RSU1: variants seen among roughly 807,000 people sequenced by gnomAD.
RSU1 encodes rsu-1.
A neutral mutation model predicts 31.1 loss-of-function variants in RSU1; 26 were observed. The observed-to-expected ratio is 0.84, with a 90% CI of 0.61 to 1.16. The LOEUF (loss-of-function observed/expected upper bound fraction) is 1.16. Among genes scored for constraint, RSU1 ranks in the 50% most tolerant of loss-of-function variants. The pLI is 0.00. For missense variants in RSU1, 320 were observed against 339.1 expected, an observed-to-expected ratio of 0.94 and a Z score of 0.44; for synonymous variants, 164 against 136.3, an observed-to-expected ratio of 1.20 and a Z score of -1.41.
chr10:16,785,485 T>C (rs1012036024), intron 2 of RSU1, among the ~76,000 whole-genome samples: 1 of 131,816 alleles, frequency 7.6e-6, no homozygotes, highest in South Asian at 2.2e-4. Flanking sequence ...TATATACATA[T>C]ATACATATAT....
intron 8 of RSU1, among the ~76,000 whole-genome samples, chr10:16,639,767 A>T (rs1027566615): frequency 6.6e-6 from 1 of 152,162 alleles, no homozygotes; most frequent in Non-Finnish European, 1.5e-5. Flanking sequence ...GCATCCTAAG[A>T]ATTTGTTCAG....
chr10:16,618,725 G>T (rs1467193170), intron 8 of RSU1, among the ~76,000 whole-genome samples: 1 of 152,098 alleles, frequency 6.6e-6, no homozygotes, highest in Non-Finnish European at 1.5e-5. Flanking sequence ...AACTAACACA[G>T]AAACAGAAAA....
intron 6 of RSU1, 33 bp downstream of exon 6, chr10:16,752,885 T>G: frequency 6.3e-7 from 1 of 1,577,486 alleles, no homozygotes; most frequent in Non-Finnish European, 8.7e-7. Flanking sequence ...CAGCAGTGAA[T>G]TGATTTTCTA....
intron 7 of RSU1, among the ~76,000 whole-genome samples, chr10:16,720,704 C>T (rs1338511063): frequency 1.3e-5 from 2 of 152,236 alleles, no homozygotes; most frequent in Non-Finnish European, 2.9e-5. Flanking sequence ...TGCATATGTG[C>T]ACAGACAAAC....
At chr10:16,657,051 G>C (rs77919254) in intron 8 of RSU1, among the ~76,000 whole-genome samples, 2,450 of 152,258 alleles carry the variant, frequency 0.016, 65 homozygotes, top group African/African-American at 0.056. Flanking sequence ...ATTCCGCAGA[G>C]ATTTTCCTGT....
chr10:16,663,223 A>G (rs1323362313), intron 8 of RSU1, among the ~76,000 whole-genome samples: 1 of 152,146 alleles, frequency 6.6e-6, no homozygotes, highest in African/African-American at 2.4e-5. Flanking sequence ...ATTCAAAGGC[A>G]TCCTGTTCTA....
intron 2 of RSU1, among the ~76,000 whole-genome samples, chr10:16,785,958 G>A (rs1017116936): frequency 6.6e-6 from 1 of 152,084 alleles, no homozygotes; most frequent in Non-Finnish European, 1.5e-5. Context: ...CCCGATCAAG[G>A]CAACTTCCCC....
chr10:16,722,907 CA>C (rs1477137832), intron 7 of RSU1, among the ~76,000 whole-genome samples: 1 of 144,452 alleles, frequency 6.9e-6, no homozygotes, highest in Non-Finnish European at 1.5e-5. Flanking sequence ...TATATACACA[CA>C]TATACATATA....
At chr10:16,759,136 T>C (rs373903997) in intron 4 of RSU1, among the ~76,000 whole-genome samples, 1 of 152,204 alleles carries the variant, frequency 6.6e-6, no homozygotes, top group East Asian at 1.9e-4. Flanking sequence ...CAAAGAAACC[T>C]TCTTGTCTAA....
intron 7 of RSU1, among the ~76,000 whole-genome samples, chr10:16,745,413 A>G (rs1836830780): frequency 6.6e-6 from 1 of 152,134 alleles, no homozygotes; most frequent in African/African-American, 2.4e-5. Flanking sequence ...ATAGAGACAT[A>G]CCCGAGACTG....
chr10:16,717,415 T>C (rs1198958376), intron 7 of RSU1, among the ~76,000 whole-genome samples: 3 of 152,206 alleles, frequency 2.0e-5, no homozygotes, highest in African/African-American at 7.2e-5. Flanking sequence ...ATCCAATAGT[T>C]TTTAGGTTAT....
chr10:16,727,138 G>A (rs751918322), intron 7 of RSU1: 5 of 456,442 alleles, frequency 1.1e-5, no homozygotes, highest in Non-Finnish European at 2.2e-5. Flanking sequence ...AAGGGAACAG[G>A]ATGTGGCCTC....
Position 16,793,586 on chromosome 10 carries a change from T to C in RSU1, c.110-11502A>G, listed in dbSNP as rs1264862610. On this transcript the variant is annotated intron_variant, in intron 2 of 8. Transcript: ENST00000345264. ...TCCAGGAAAAAATACACAGAAAAAC[T>C]ATTTCTGAAGATGCCTGAGAGAATT... Among the ~76,000 whole-genome samples the C allele has an allele frequency of 2.0e-4, 30 of 152,088 alleles. 1 individual carries two copies. The highest frequency in any genetic ancestry group is 2.0e-3 in the Admixed American group (30 of 15,264).
intron 7 of RSU1, among the ~76,000 whole-genome samples, chr10:16,697,572 G>A (rs1034570179): frequency 8.5e-5 from 13 of 152,110 alleles, no homozygotes; most frequent in Admixed American, 4.6e-4. Flanking sequence ...GCTGAGGCAG[G>A]AGAACTGCAT....
intron 8 of RSU1, among the ~76,000 whole-genome samples, chr10:16,688,919 G>A (rs188013202): frequency 6.6e-5 from 10 of 152,012 alleles, no homozygotes; most frequent in Admixed American, 2.6e-4. Context: ...GAGGCAGGGG[G>A]ATTGCTTGAG....
At chr10:16,713,808 T>C (rs1217809499) in intron 7 of RSU1, among the ~76,000 whole-genome samples, 1 of 152,194 alleles carries the variant, frequency 6.6e-6, no homozygotes, top group Non-Finnish European at 1.5e-5. Context: ...ATAGTGACCC[T>C]TTCCAGGTTT....
In RSU1 at chr10:16,655,121, A is replaced by G. The variant is rs187241523; in HGVS notation, c.731+39902T>C. On this transcript the variant is annotated intron_variant, in intron 8 of 8. Transcript: ENST00000345264. ...TGCATTCTGTATCATTCAATAAAATAAGTGAAATGCAATCTAATAATTAGT... is the reference window on the plus strand; with the variant it reads ...TGCATTCTGTATCATTCAATAAAATGAGTGAAATGCAATCTAATAATTAGT... Among the ~76,000 whole-genome samples, 10 of 152,162 alleles carry G rather than the reference A, an allele frequency of 6.6e-5. No individual in the cohort carries two copies. The East Asian group carries it at 1.7e-3, about 26-fold the overall frequency.
intron 2 of RSU1, among the ~76,000 whole-genome samples, chr10:16,813,432 C>T (rs1405560250): frequency 6.6e-6 from 1 of 152,192 alleles, no homozygotes; most frequent in East Asian, 1.9e-4. Flanking sequence ...TATGTTGGAA[C>T]TGGGTATGTC....
At chr10:16,789,479 C>T (rs1837867791) in intron 2 of RSU1, among the ~76,000 whole-genome samples, 1 of 152,202 alleles carries the variant, frequency 6.6e-6, no homozygotes, top group South Asian at 2.1e-4. Flanking sequence ...CAGGCAAAGA[C>T]CAAGTGGAGA....
Sources: gnomAD v4.1 joint callset for allele counts (sites outside exome capture counted in the v4.1 genomes callset) on GRCh38, gnomAD v4.1.1 for gene constraint, MANE v1.5 for transcripts, NCBI Gene and HGNC (gene_info 2026-07-23, HGNC 2026-07-21) for gene names.